MAML3: variants seen among roughly 807,000 people sequenced by gnomAD.
MAML3 encodes the protein mastermind like transcriptional coactivator 3.
Under a neutral mutation model 101.9 loss-of-function variants are expected in MAML3, and 27 were observed. The ratio of observed to expected loss-of-function variants is 0.27; its 90% CI spans 0.20 to 0.37. The LOEUF is 0.37. Ranked by LOEUF, MAML3 falls within the 10% of genes least tolerant of loss-of-function variation. The pLI, the probability that MAML3 is intolerant of heterozygous loss-of-function variation, is 1.00. For missense variants in MAML3, 1,316 were observed against 1,444.9 expected (o/e 0.91, Z 1.45); for synonymous variants, 501 against 555.9 (o/e 0.90, Z 1.39).
intron 2 of MAML3, among the ~76,000 whole-genome samples, chr4:139,768,221 G>GTT (rs938317393): frequency 4.6e-5 from 4 of 87,000 alleles, no homozygotes; most frequent in East Asian, 3.5e-4. Context: ...TCTGTTGATA[G>GTT]TTGTGTGTGT....
chr4:140,105,396 T>G (rs1728334888), intron 1 of MAML3, among the ~76,000 whole-genome samples: 1 of 152,224 alleles, frequency 6.6e-6, no homozygotes, highest in South Asian at 2.1e-4. Flanking sequence ...TTTTAAGTTC[T>G]CATCAAGTCT....
chr4:139,876,121 C>T (rs565843785), intron 2 of MAML3, among the ~76,000 whole-genome samples: 57 of 151,594 alleles, frequency 3.8e-4, no homozygotes, highest in African/African-American at 1.3e-3. Context: ...ATTTCAAACA[C>T]TTGGTATGAA....
intron 2 of MAML3, among the ~76,000 whole-genome samples, chr4:139,881,777 C>T (rs1459607689): frequency 2.0e-5 from 3 of 152,232 alleles, no homozygotes; most frequent in Non-Finnish European, 4.4e-5. Flanking sequence ...TCTCCGCTCA[C>T]TGCAACCTCT....
chr4:140,020,503 G>A (rs1384683808), intron 1 of MAML3, among the ~76,000 whole-genome samples: 2 of 151,630 alleles, frequency 1.3e-5, no homozygotes, highest in East Asian at 3.9e-4. Context: ...TATTTATAAT[G>A]ACTTCAAATA....
At chr4:140,035,979 T>C (rs906113373) in intron 1 of MAML3, among the ~76,000 whole-genome samples, 2 of 152,192 alleles carry the variant, frequency 1.3e-5, no homozygotes, top group African/African-American at 4.8e-5. Flanking sequence ...GAGAATGAAT[T>C]GAGATGAACT....
At chr4:140,005,719 C>T (rs1355026642) in intron 1 of MAML3, among the ~76,000 whole-genome samples, 1 of 152,128 alleles carries the variant, frequency 6.6e-6, no homozygotes, top group African/African-American at 2.4e-5. Context: ...TGTTAATGAG[C>T]GCCATAAACA....
chr4:139,972,764 T>A (rs1243036915), intron 1 of MAML3, among the ~76,000 whole-genome samples: 3 of 152,248 alleles, frequency 2.0e-5, no homozygotes, highest in Non-Finnish European at 2.9e-5. Flanking sequence ...AAATTGTGAA[T>A]TCTGACGACA....
chr4:139,925,449 C>T (rs932113355), intron 1 of MAML3, among the ~76,000 whole-genome samples: 2 of 152,014 alleles, frequency 1.3e-5, no homozygotes, highest in South Asian at 2.1e-4. Context: ...AGGCTAGTCT[C>T]GAACTCCTGA....
At chr4:140,079,716 G>T (rs543164970) in intron 1 of MAML3, among the ~76,000 whole-genome samples, 1 of 152,202 alleles carries the variant, frequency 6.6e-6, no homozygotes, top group Non-Finnish European at 1.5e-5. Context: ...CCATATATAA[G>T]AAAGTAGTTA....
At chr4:139,968,852 C>G (rs143581384) in intron 1 of MAML3, among the ~76,000 whole-genome samples, 1 of 152,054 alleles carries the variant, frequency 6.6e-6, no homozygotes, top group East Asian at 1.9e-4. Flanking sequence ...CAAATCCCAC[C>G]GCTGATGTCT....
At chr4:139,872,131 C>A (rs916317003) in intron 2 of MAML3, among the ~76,000 whole-genome samples, 6 of 152,158 alleles carry the variant, frequency 3.9e-5, no homozygotes, top group African/African-American at 1.4e-4. Flanking sequence ...AGAGAAATAA[C>A]CCTTGCATTT....
At chr4:140,139,984 G>A (rs2320919) in intron 1 of MAML3, among the ~76,000 whole-genome samples, 152,068 of 152,366 alleles carry the variant, frequency 1, 75,887 homozygotes, top group Middle Eastern at 1. Flanking sequence ...AGGAAAAGTT[G>A]TAGGTTGAAA....
chr4:140,111,037 A>G (rs1447670552), intron 1 of MAML3, among the ~76,000 whole-genome samples: 1 of 152,232 alleles, frequency 6.6e-6, no homozygotes, highest in African/African-American at 2.4e-5. Context: ...ATTTATGGCT[A>G]AATCCTAAAA....
At chr4:139,920,661 A>G (rs1049481323) in intron 1 of MAML3, among the ~76,000 whole-genome samples, 2 of 152,242 alleles carry the variant, frequency 1.3e-5, no homozygotes, top group African/African-American at 4.8e-5. Context: ...GAGGGCACAC[A>G]GTTGTCCAGG....
intron 2 of MAML3, among the ~76,000 whole-genome samples, chr4:139,782,682 A>G (rs145574172): frequency 2.6e-5 from 4 of 152,258 alleles, no homozygotes; most frequent in Non-Finnish European, 5.9e-5. Flanking sequence ...CCAAGGATCA[A>G]CTGCAAACTG....
At position 140,069,366 on chromosome 4, in the gene MAML3, A is replaced by G. The variant is rs150272221; in HGVS notation, c.468+83494T>C. The stretch of plus-strand genomic sequence containing the variant: ...GGAGAAGGAGAAGGAGAAGGAGAAG[A>G]AGAAGAAGAAGAAGAAGAAGGAGGA... On this transcript the variant is annotated intron_variant, in intron 1 of 4. Transcript: ENST00000509479. Among the ~76,000 whole-genome samples, 905 of 122,712 alleles carry G rather than the reference A, an allele frequency of 7.4e-3. 16 individuals carry two copies. Among genetic ancestry groups the G allele is most frequent in the African/African-American group, 0.027 (824 of 30,424 alleles). The allele number at this position is 122,712 out of a possible 152,430, so 80.5% of individuals were successfully genotyped here. A position where few individuals can be genotyped will look rare whatever the true frequency, so the allele number is the denominator to read the frequency against.
chr4:140,107,340 A>T (rs1728368449), intron 1 of MAML3, among the ~76,000 whole-genome samples: 1 of 152,176 alleles, frequency 6.6e-6, no homozygotes, highest in Admixed American at 6.5e-5. Flanking sequence ...GTTTTCAATC[A>T]GTTACTTGGG....
intron 2 of MAML3, among the ~76,000 whole-genome samples, chr4:139,742,149 CTTTTT>C (rs67056013): frequency 2.6e-5 from 3 of 113,688 alleles, no homozygotes; most frequent in Non-Finnish European, 3.7e-5. Context: ...CTTTTCTTTT[CTTTTT>C]TTTTTTTTTT....
At chr4:139,727,439 C>T (rs1728520036) in intron 3 of MAML3, among the ~76,000 whole-genome samples, 1 of 152,096 alleles carries the variant, frequency 6.6e-6, no homozygotes, top group South Asian at 2.1e-4. Context: ...AGGAATGAGC[C>T]CCTGGCAGCC....
Sources: allele counts gnomAD v4.1 joint callset (sites outside exome capture counted in the v4.1 genomes callset), GRCh38; gene constraint gnomAD v4.1.1; transcripts MANE v1.5; gene names NCBI Gene and HGNC (gene_info 2026-07-23, HGNC 2026-07-21).